Variants in TMX2 observed in about 807,000 individuals in gnomAD.
TMX2 encodes thioredoxin-related transmembrane protein 2.
TMX2 carries 20 observed loss-of-function variants against 33.4 expected under a neutral mutation model. That is an observed-to-expected ratio of 0.60 (90% CI 0.42 to 0.87). TMX2 has a LOEUF of 0.87. TMX2 is among the 40% of genes least tolerant of loss of function. TMX2 has a pLI of 0.00. For synonymous variants in TMX2, 166 were observed against 140.7 expected (o/e 1.18, Z -1.27); for missense variants, 340 against 370.7 (o/e 0.92, Z 0.68).
At chr11:57,728,094 G>A (rs533560639) in intron 1 of TMX2, among the ~76,000 whole-genome samples, 1 of 152,320 alleles carries the variant, frequency 6.6e-6, no homozygotes, top group South Asian at 2.1e-4. Flanking sequence ...GACCTCCTGA[G>A]GGCTGTGTCA....
chr11:57,737,422 G>A (rs962219012), intron 1 of TMX2, among the ~76,000 whole-genome samples, 186 bp from the exon 2 acceptor site: 1 of 152,232 alleles, frequency 6.6e-6, no homozygotes, highest in Non-Finnish European at 1.5e-5. Flanking sequence ...TGTGGCAGGA[G>A]TAGAACCTGA....
Position 57,734,067 on chromosome 11 carries a change from GA to G in TMX2, c.190-3539del, listed in dbSNP as rs1428018069. 1.3e-5 allele frequency among the ~76,000 whole-genome samples: 2 copies of G among 150,764 alleles called. 1 individual carries two copies. Among genetic ancestry groups the G allele is most frequent in the Non-Finnish European group, 2.9e-5 (2 of 67,820 alleles). On this transcript the variant is annotated intron_variant, in intron 1 of 7. Transcript: ENST00000278422. The stretch of plus-strand genomic sequence containing the variant: ...GGTGCCTGTAGTCCCAGCTACTCGG[GA>G]AGCTGAGGCAGGAGAATGGCGTGAA...
At chr11:57,728,344 A>C (rs1565224386) in intron 1 of TMX2, among the ~76,000 whole-genome samples, 1 of 152,154 alleles carries the variant, frequency 6.6e-6, no homozygotes, top group East Asian at 1.9e-4. Flanking sequence ...TTATATTTTT[A>C]GTAGAGATGG....
chr11:57,736,629 T>C (rs1948767966), intron 1 of TMX2, among the ~76,000 whole-genome samples: 1 of 152,160 alleles, frequency 6.6e-6, no homozygotes, highest in South Asian at 2.1e-4. Flanking sequence ...GGCTCACACC[T>C]GTAATCCCAG....
Position 57,725,581 on chromosome 11 carries a change from AC to A in TMX2, c.190-12026del, listed in dbSNP as rs772127973. The stretch of plus-strand genomic sequence containing the variant: ...ATGAAACCCTGTCTCTACTAAAAAT[AC>A]AAAAATTAGCCAGGTGTGGTGGCAC... On this transcript the variant is annotated intron_variant, in intron 1 of 7. Transcript: ENST00000278422. 1.2e-4 allele frequency among the ~76,000 whole-genome samples: 18 copies of A among 152,250 alleles called. No individual in the cohort carries two copies. In the Middle Eastern group the frequency reaches 0.014, roughly 115 times the overall value.
At chr11:57,715,750 C>G (rs1946949195) in intron 1 of TMX2, among the ~76,000 whole-genome samples, 1 of 151,390 alleles carries the variant, frequency 6.6e-6, no homozygotes, top group Admixed American at 6.6e-5. Context: ...TGTTTGTGTC[C>G]CTGGGTACTT....
Position 57,740,126 on chromosome 11 carries a change from A to C in TMX2, c.772A>C (p.Asn258His), listed in dbSNP as rs1302478591. 1.2e-6 allele frequency: 2 copies of C among 1,613,982 alleles called. No individual in the cohort carries two copies. Among genetic ancestry groups the C allele is most frequent in the South Asian group, 1.1e-5 (1 of 91,074 alleles). The change falls in exon 8 of 8, where the codon AAT becomes CAT. Residue 258 changes from asparagine to histidine, a missense_variant. Physicochemically the swap from Asn to His is moderately conservative, Grantham distance 68. This residue lies in a region of TMX2 where 209 missense variants were observed against 241.6 expected (regional missense o/e 0.87). Transcript: ENST00000278422. Reference sequence around the variant, plus strand: ...GAATGTGATCCGAGAATTTAACTTAAATGAGCTATACCAGCGGGCCAAGAA... The same window carrying C: ...GAATGTGATCCGAGAATTTAACTTACATGAGCTATACCAGCGGGCCAAGAA... ...EENVIREFNLNELYQRAKKLS... is the reference protein window; with the variant it reads ...EENVIREFNLHELYQRAKKLS...
Position 57,740,088 on chromosome 11 carries a change from CT to C in TMX2, c.745-7del, listed in dbSNP as rs763290955. The C allele has an allele frequency of 6.2e-7, 1 of 1,613,876 alleles. No homozygotes were observed. Among genetic ancestry groups the C allele is most frequent in the East Asian group, 2.2e-5 (1 of 44,866 alleles). On this transcript the variant is annotated splice_polypyrimidine_tract_variant and intron_variant, in intron 7 of 7. Transcript: ENST00000278422. ...AACCCAGATCCTGACGTGTGCATCT[CT>C]TTTGTGCAGGAGAATGTGATCCGAG...
chr11:57,740,557 T>C lies in TMX2; in HGVS notation c.*312T>C, dbSNP rs1949022429. 1 of 232,454 alleles carries C rather than the reference T, an allele frequency of 4.3e-6. No individual in the cohort carries two copies. The highest frequency in any genetic ancestry group is 5.0e-5 in the Admixed American group (1 of 19,942). The allele number at this position is 232,454 out of a possible 1,614,324, so 14.4% of individuals were successfully genotyped here. On this transcript the variant is annotated 3_prime_UTR_variant, in exon 8 of 8. Transcript: ENST00000278422. Reference sequence around the variant, plus strand: ...GCTATTCAGACATCTCCATGGTTTCTCCATGAAACTCTGTGGTTTCATCAT... The same window carrying C: ...GCTATTCAGACATCTCCATGGTTTCCCCATGAAACTCTGTGGTTTCATCAT...
rs1565214352 is a variant in TMX2, at chr11:57,717,724, AGGGG to A, written c.189+4918_189+4921del. On this transcript the variant is annotated intron_variant, in intron 1 of 7. Coordinates refer to ENST00000278422, the MANE Select transcript of TMX2 (RefSeq NM_015959.4). Reference sequence around the variant, plus strand: ...GAGGGAGAGGGAGACCGAGAGGGAGAGGGGAGAGGGGAGAGGGGAGAGGGGAGAG... The same window carrying A: ...GAGGGAGAGGGAGACCGAGAGGGAGAAGAGGGGAGAGGGGAGAGGGGAGAG... Among the ~76,000 whole-genome samples the A allele has an allele frequency of 8.5e-4, 26 of 30,580 alleles. 1 individual carries two copies. The highest frequency in any genetic ancestry group is 8.1e-4 in the Non-Finnish European group (15 of 18,552). The allele number at this position is 30,580 out of a possible 152,430, so 20.1% of individuals were successfully genotyped here.
At chr11:57,714,601 G>A (rs533400594) in intron 1 of TMX2, among the ~76,000 whole-genome samples, 2 of 151,962 alleles carry the variant, frequency 1.3e-5, no homozygotes, top group South Asian at 2.1e-4. Context: ...TAGTTTTTTG[G>A]ATTTTTTTTT....
intron 4 of TMX2, 39 bp downstream of exon 4, chr11:57,738,469 G>A: frequency 1.3e-6 from 2 of 1,512,284 alleles, no homozygotes; most frequent in Non-Finnish European, 1.8e-6. Context: ...TGGGTCCCTT[G>A]TGGGTGATTT....
intron 1 of TMX2, among the ~76,000 whole-genome samples, chr11:57,715,586 C>CTTTTTTTTCT (rs1946930847): frequency 7.7e-6 from 1 of 130,120 alleles, no homozygotes; most frequent in African/African-American, 2.9e-5. Context: ...AATTTGTTTT[C>CTTTTTTTTCT]TTTTTTTTTT....
chr11:57,738,564 G>T lies in TMX2; in HGVS notation c.442-100G>T, dbSNP rs776840162. 2.4e-6 allele frequency: 3 copies of T among 1,252,674 alleles called. No homozygotes were observed. In the Admixed American group the frequency reaches 5.0e-5, roughly 21 times the overall value. 77.6% of individuals were successfully genotyped at this position (1,252,674 alleles called of 1,614,324 possible). On this transcript the variant is annotated intron_variant, in intron 4 of 7. Coordinates refer to ENST00000278422, the MANE Select transcript of TMX2 (RefSeq NM_015959.4). Reference sequence around the variant, plus strand: ...GCACTGTGGTTCATTATGAGAGCCGGGGGAGAGGGAACACCAGGATGAGGA... The same window carrying T: ...GCACTGTGGTTCATTATGAGAGCCGTGGGAGAGGGAACACCAGGATGAGGA...
chr11:57,738,536 C>T (rs1428264494), intron 4 of TMX2, 106 bp downstream of exon 4: 8 of 1,218,616 alleles, frequency 6.6e-6, no homozygotes, highest in African/African-American at 1.5e-5. Context: ...ATGGATGTCA[C>T]GGGCACTGTG....
chr11:57,733,946 G>C (rs1008068678), intron 1 of TMX2, among the ~76,000 whole-genome samples: 1 of 151,858 alleles, frequency 6.6e-6, no homozygotes. Context: ...TGAAGCGGGC[G>C]GATCACAAGG....
intron 1 of TMX2, among the ~76,000 whole-genome samples, chr11:57,716,872 GGCT>G (rs1947133210): frequency 6.6e-6 from 1 of 151,646 alleles, no homozygotes; most frequent in African/African-American, 2.4e-5. Context: ...TGGACGGGGC[GGCT>G]GCCGGGCGGA....
chr11:57,716,384 G>T (rs1439869950), intron 1 of TMX2, among the ~76,000 whole-genome samples: 1 of 121,752 alleles, frequency 8.2e-6, no homozygotes, highest in Admixed American at 7.6e-5. Context: ...CGGCTGGCCG[G>T]GCGAGGGGCT....
intron 3 of TMX2, 22 bp downstream of exon 3, chr11:57,738,048 C>CTTTT: frequency 1.5e-6 from 2 of 1,293,650 alleles, no homozygotes; most frequent in Non-Finnish European, 1.1e-6. Context: ...GCCTTTCTTT[C>CTTTT]TTTTTTTTTT....
Sources: allele counts gnomAD v4.1 joint callset (sites outside exome capture counted in the v4.1 genomes callset), GRCh38; gene constraint gnomAD v4.1.1; regional missense constraint gnomAD v4.1.1; transcripts MANE v1.5; gene names NCBI Gene and HGNC (gene_info 2026-07-23, HGNC 2026-07-21).